AEBP2: variants seen among roughly 807,000 people sequenced by gnomAD.
AEBP2 encodes zinc finger protein AEBP2.
A neutral mutation model predicts 50.8 loss-of-function variants in AEBP2; 10 were observed. The observed-to-expected ratio is 0.20, with a 90% CI of 0.12 to 0.33. The LOEUF (loss-of-function observed/expected upper bound fraction) is 0.33. Among genes scored for constraint, AEBP2 ranks in the 10% least tolerant of loss-of-function variants. The pLI, the probability that AEBP2 is intolerant of heterozygous loss-of-function variation, is 1.00. For synonymous variants in AEBP2, 296 were observed against 261.3 expected (o/e 1.13, Z -1.28); for missense variants, 570 against 688.0 (o/e 0.83, Z 1.92).
At chr12:19,504,835 A>C (rs531395140) in intron 5 of AEBP2, among the ~76,000 whole-genome samples, 7 of 152,304 alleles carry the variant, frequency 4.6e-5, no homozygotes, top group Non-Finnish European at 8.8e-5. Flanking sequence ...CATTCCACTC[A>C]AGTTTTAGAA....
intron 1 of AEBP2, among the ~76,000 whole-genome samples, chr12:19,423,404 C>G (rs1259252105): frequency 6.6e-6 from 1 of 152,140 alleles, no homozygotes; most frequent in Non-Finnish European, 1.5e-5. Context: ...AGCTCCCATA[C>G]AAGATGCTTT....
At chr12:19,480,914 G>T (rs1424541419) in intron 3 of AEBP2, among the ~76,000 whole-genome samples, 1 of 151,982 alleles carries the variant, frequency 6.6e-6, no homozygotes, top group Non-Finnish European at 1.5e-5. Context: ...TTCTTTCTCA[G>T]AAACACCAGT....
chr12:19,500,062 T>A (rs1331744210), intron 4 of AEBP2, 35 bp from the exon 5 acceptor site: 1 of 1,560,712 alleles, frequency 6.4e-7, no homozygotes, highest in African/African-American at 1.4e-5. Context: ...GTTATGTTTT[T>A]CTAAATATTC....
chr12:19,436,622 A>G (rs946271073), upstream of AEBP2, among the ~76,000 whole-genome samples: 1 of 136,782 alleles, frequency 7.3e-6, no homozygotes, highest in Admixed American at 7.6e-5. Context: ...GTCTTACTCT[A>G]TTGCCCAAAC....
At chr12:19,499,915 A>G (rs1335128816) in intron 4 of AEBP2, among the ~76,000 whole-genome samples, 182 bp from the exon 5 acceptor site, 1 of 152,184 alleles carries the variant, frequency 6.6e-6, no homozygotes, top group Non-Finnish European at 1.5e-5. Context: ...ACATTCACTC[A>G]TTTGTTGAAA....
chr12:19,460,478 C>T (rs551145725), intron 1 of AEBP2, among the ~76,000 whole-genome samples: 4 of 152,006 alleles, frequency 2.6e-5, no homozygotes, highest in Non-Finnish European at 5.9e-5. Flanking sequence ...CTCAGCCTCC[C>T]GAGTAGCTGG....
chr12:19,473,198 C>T (rs1435970798), intron 2 of AEBP2, 50 bp from the exon 3 acceptor site: 1 of 895,852 alleles, frequency 1.1e-6, no homozygotes. Context: ...GAATCAAACT[C>T]TTCTTGAGAT....
intron 1 of AEBP2, among the ~76,000 whole-genome samples, chr12:19,423,213 G>A (rs965112276): frequency 2.0e-5 from 3 of 151,756 alleles, no homozygotes; most frequent in Non-Finnish European, 2.9e-5. Flanking sequence ...AATATATGGT[G>A]AATAAGCTGC....
At chr12:19,425,557 G>A (rs1482906955) in intron 1 of AEBP2, among the ~76,000 whole-genome samples, 1 of 151,916 alleles carries the variant, frequency 6.6e-6, no homozygotes, top group Non-Finnish European at 1.5e-5. Flanking sequence ...CCTGAGGTCA[G>A]GAGTTTGAGA....
chr12:19,436,045 A>G (rs534352952), upstream of AEBP2, among the ~76,000 whole-genome samples: 9 of 152,336 alleles, frequency 5.9e-5, no homozygotes, highest in South Asian at 1.9e-3. Context: ...ATAAGATAGC[A>G]GGTCAGCACA....
chr12:19,504,827 T>C (rs1384794062), intron 5 of AEBP2, among the ~76,000 whole-genome samples: 8 of 152,206 alleles, frequency 5.3e-5, no homozygotes, highest in African/African-American at 1.9e-4. Context: ...TATCAGTACA[T>C]TCCACTCAAG....
Position 19,518,219 on chromosome 12 carries a change from T to C in AEBP2, c.*102T>C. On this transcript the variant is annotated 3_prime_UTR_variant, in exon 8 of 8. Transcript: ENST00000266508. ...GTTGCACATTAGAGTCAACCCCTTC[T>C]TTTTTTTTTTTTTTTTTTTAAATCC... 2.2e-5 allele frequency: 2 copies of C among 93,016 alleles called. No individual in the cohort carries two copies. The highest frequency in any genetic ancestry group is 3.5e-5 in the Non-Finnish European group (2 of 56,922). The allele number at this position is 93,016 out of a possible 1,614,324, so 5.8% of individuals were successfully genotyped here.
At chr12:19,465,095 T>G (rs1592739656) in intron 2 of AEBP2, among the ~76,000 whole-genome samples, 1 of 152,104 alleles carries the variant, frequency 6.6e-6, no homozygotes, top group African/African-American at 2.4e-5. Context: ...CTAGCTGATT[T>G]TAAGAGTGAT....
chr12:19,520,678 A>G lies in AEBP2; in HGVS notation c.*2561A>G, dbSNP rs2120661324. The G allele has an allele frequency of 6.6e-6, 1 of 152,306 alleles. No individual in the cohort carries two copies. The highest frequency in any genetic ancestry group is 2.4e-5 in the African/African-American group (1 of 41,576). The allele number at this position is 152,306 out of a possible 1,614,324, so 9.4% of individuals were successfully genotyped here. On this transcript the variant is annotated 3_prime_UTR_variant, in exon 8 of 8. Coordinates refer to ENST00000266508, the MANE Select transcript of AEBP2 (RefSeq NM_153207.5). Reference sequence around the variant, plus strand: ...TTCAGCATCAAGCAAACTACAGCTCACAAGCATACCCATTTATATGTTGTC... The same window carrying G: ...TTCAGCATCAAGCAAACTACAGCTCGCAAGCATACCCATTTATATGTTGTC...
At chr12:19,467,609 A>G (rs200799624) in intron 2 of AEBP2, among the ~76,000 whole-genome samples, 1 of 152,104 alleles carries the variant, frequency 6.6e-6, no homozygotes, top group African/African-American at 2.4e-5. Flanking sequence ...CCGTACGTCT[A>G]TGTGTGACTG....
intron 1 of AEBP2, among the ~76,000 whole-genome samples, chr12:19,418,664 C>T (rs1264506774): frequency 6.6e-6 from 1 of 152,054 alleles, no homozygotes; most frequent in East Asian, 1.9e-4. Context: ...GTATACATCA[C>T]ATGTATTGAT....
intron 5 of AEBP2, among the ~76,000 whole-genome samples, chr12:19,501,170 AAAT>A (rs999935174): frequency 3.3e-5 from 5 of 152,050 alleles, no homozygotes; most frequent in African/African-American, 1.2e-4. Context: ...TCTCTACTAA[AAAT>A]ACAAAAAATT....
chr12:19,485,708 C>CA (rs35033010), intron 3 of AEBP2, among the ~76,000 whole-genome samples: 25,572 of 124,646 alleles, frequency 0.21, 2,852 homozygotes, highest in South Asian at 0.34. Context: ...GACCCTGTCT[C>CA]AAAAAAAAAA....
intron 4 of AEBP2, among the ~76,000 whole-genome samples, chr12:19,496,550 C>T (rs575474118): frequency 1.1e-3 from 163 of 152,246 alleles, no homozygotes; most frequent in African/African-American, 3.2e-3. Context: ...CTAGTATCTT[C>T]CTCATGTAAT....
Sources: allele counts gnomAD v4.1 joint callset (sites outside exome capture counted in the v4.1 genomes callset), GRCh38; gene constraint gnomAD v4.1.1; transcripts MANE v1.5; gene names NCBI Gene and HGNC (gene_info 2026-07-23, HGNC 2026-07-21).